Variants in SAP30BP observed in about 807,000 individuals in gnomAD.
SAP30BP encodes SAP30-binding protein.
Under a neutral mutation model 46.3 loss-of-function variants are expected in SAP30BP, and 31 were observed. The ratio of observed to expected loss-of-function variants is 0.67; its 90% confidence interval spans 0.50 to 0.90. The LOEUF (loss-of-function observed/expected upper bound fraction) is 0.90. Among genes scored for constraint, SAP30BP ranks in the 40% least tolerant of loss-of-function variants. The pLI is 0.00. For synonymous variants in SAP30BP, 169 were observed against 144.2 expected (o/e 1.17, Z -1.23); for missense variants, 312 against 391.0 (o/e 0.80, Z 1.70).
intron 7 of SAP30BP, 114 bp from the exon 8 acceptor site, chr17:75,703,694 G>A: frequency 2.1e-6 from 2 of 934,432 alleles, no homozygotes; most frequent in Non-Finnish European, 3.5e-6. Context: ...AAAGATGACA[G>A]CCGAGCCCCG....
At chr17:75,692,103 C>G (rs1434813490) in intron 3 of SAP30BP, 1 of 459,074 alleles carries the variant, frequency 2.2e-6, no homozygotes, top group Non-Finnish European at 2.9e-6. Flanking sequence ...GCTAAGCAGC[C>G]TGGCCTGGAC....
At chr17:75,670,580 G>T (rs2059894098) in intron 2 of SAP30BP, among the ~76,000 whole-genome samples, 1 of 152,154 alleles carries the variant, frequency 6.6e-6, no homozygotes, top group Non-Finnish European at 1.5e-5. Context: ...GCTTTGCTTA[G>T]AATTTTCATC....
At chr17:75,696,971 G>A (rs2060330846) in intron 4 of SAP30BP, among the ~76,000 whole-genome samples, 1 of 151,934 alleles carries the variant, frequency 6.6e-6, no homozygotes, top group African/African-American at 2.4e-5. Flanking sequence ...TAGGGATGGG[G>A]TTTCACTGTT....
At chr17:75,704,732 T>C in intron 8 of SAP30BP, 24 bp from the exon 9 acceptor site, 1 of 1,606,626 alleles carries the variant, frequency 6.2e-7, no homozygotes, top group Non-Finnish European at 8.5e-7. Context: ...GCCACCTTTG[T>C]AACAGCTTCT....
intron 3 of SAP30BP, among the ~76,000 whole-genome samples, chr17:75,682,961 C>CAAAA (rs770262344): frequency 1.6e-5 from 1 of 64,124 alleles, no homozygotes; most frequent in Admixed American, 1.7e-4. Context: ...GACTTCGTCT[C>CAAAA]AAAAAAAAAA....
chr17:75,694,229 T>A (rs2060281114), intron 4 of SAP30BP, among the ~76,000 whole-genome samples: 1 of 152,060 alleles, frequency 6.6e-6, no homozygotes, highest in Non-Finnish European at 1.5e-5. Context: ...ACTCCAGCCC[T>A]GGGGGTTCTG....
chr17:75,694,910 T>C (rs953733595), intron 4 of SAP30BP, among the ~76,000 whole-genome samples: 2 of 152,244 alleles, frequency 1.3e-5, no homozygotes, highest in Non-Finnish European at 2.9e-5. Flanking sequence ...TATTGAGGTA[T>C]AATTTACATA....
rs546705513 is a variant in SAP30BP, at chr17:75,672,841, G to A, written c.264+978G>A. Among the ~76,000 whole-genome samples, 3 of 152,148 alleles carry A rather than the reference G, an allele frequency of 2.0e-5. No individual in the cohort carries two copies. The South Asian group carries it at 6.2e-4, about 32-fold the overall frequency. On this transcript the variant is annotated intron_variant, in intron 3 of 10. Transcript: ENST00000584667. Reference sequence around the variant, plus strand: ...TGAGACTGGTGGGTGGTGCACACCTGTGATCCCAGCTACTGGGGAAGCTGA... The same window carrying A: ...TGAGACTGGTGGGTGGTGCACACCTATGATCCCAGCTACTGGGGAAGCTGA...
At chr17:75,704,884 A>G (rs1752735390) in intron 9 of SAP30BP, 70 bp downstream of exon 9, 4 of 1,282,890 alleles carry the variant, frequency 3.1e-6, no homozygotes, top group Non-Finnish European at 4.5e-6. Context: ...GGCTGAGCCC[A>G]GAAGGTGTCC....
intron 5 of SAP30BP, among the ~76,000 whole-genome samples, chr17:75,701,518 T>C (rs966578679): frequency 3.3e-5 from 5 of 152,130 alleles, no homozygotes; most frequent in African/African-American, 1.2e-4. Context: ...TTCTCCACTC[T>C]CCCATCGAAA....
chr17:75,675,235 C>G (rs1599101728), intron 3 of SAP30BP, among the ~76,000 whole-genome samples: 1 of 152,316 alleles, frequency 6.6e-6, no homozygotes, highest in East Asian at 1.9e-4. Context: ...ACTGCAACCT[C>G]TGCCTCCCGC....
At chr17:75,693,525 TC>T in intron 4 of SAP30BP, 43 bp downstream of exon 4, 1 of 1,596,688 alleles carries the variant, frequency 6.3e-7, no homozygotes, top group Non-Finnish European at 8.6e-7. Context: ...TCAGCCTTGC[TC>T]CTAGCAGCCT....
At chr17:75,690,761 A>G (rs2060229968) in intron 3 of SAP30BP, 2 of 456,584 alleles carry the variant, frequency 4.4e-6, no homozygotes, top group African/African-American at 2.0e-5. Flanking sequence ...ATCACATTCT[A>G]AACATGATAA....
At chr17:75,686,992 A>G (rs1197462775) in intron 3 of SAP30BP, among the ~76,000 whole-genome samples, 1 of 152,208 alleles carries the variant, frequency 6.6e-6, no homozygotes, top group Non-Finnish European at 1.5e-5. Context: ...GATCTCAGAA[A>G]ACCTTGTTTT....
chr17:75,673,648 C>G (rs2059939945), intron 3 of SAP30BP, among the ~76,000 whole-genome samples: 1 of 152,120 alleles, frequency 6.6e-6, no homozygotes, highest in African/African-American at 2.4e-5. Context: ...ATACTGTAAT[C>G]CAGGCAACAA....
intron 1 of SAP30BP, chr17:75,668,111 C>T (rs1387139217): frequency 5.9e-6 from 1 of 168,320 alleles, no homozygotes; most frequent in African/African-American, 2.4e-5. Flanking sequence ...GAACAAGTTA[C>T]CTAACAACAT....
At chr17:75,702,811 C>T (rs1454939061) in intron 6 of SAP30BP, 1 of 361,924 alleles carries the variant, frequency 2.8e-6, no homozygotes, top group African/African-American at 2.1e-5. Context: ...ATGAGGGAGA[C>T]CTGGCTGAGT....
chr17:75,691,532 G>T (rs1176861826), intron 3 of SAP30BP: 1 of 453,276 alleles, frequency 2.2e-6, no homozygotes, highest in Non-Finnish European at 4.4e-6. Flanking sequence ...CCCTGAAGTG[G>T]CAAGTGTGTT....
intron 3 of SAP30BP, among the ~76,000 whole-genome samples, chr17:75,678,283 G>C (rs1477525304): frequency 6.6e-6 from 1 of 152,088 alleles, no homozygotes; most frequent in East Asian, 1.9e-4. Context: ...GATGCTCAAG[G>C]TTCTGATATA....
Sources: gnomAD v4.1 joint callset for allele counts (sites outside exome capture counted in the v4.1 genomes callset) on GRCh38, gnomAD v4.1.1 for gene constraint, MANE v1.5 for transcripts, NCBI Gene and HGNC (gene_info 2026-07-23, HGNC 2026-07-21) for gene names.